Variants in OMA1 observed in about 807,000 individuals in gnomAD.
The protein encoded by OMA1 is metalloendopeptidase OMA1, mitochondrial.
A neutral mutation model predicts 30.9 loss-of-function variants in OMA1; 38 were observed. The observed-to-expected ratio is 1.23, with a 90% CI of 0.95 to 1.61. The LOEUF (loss-of-function observed/expected upper bound fraction) is 1.61, where lower values mean the gene tolerates loss of function less well. OMA1 is among the 40% of genes most tolerant of loss of function. The pLI is 0.00. For missense variants in OMA1, 461 were observed against 349.2 expected (o/e 1.32, Z -2.55); for synonymous variants, 173 against 121.9 (o/e 1.42, Z -2.76).
intron 7 of OMA1, among the ~76,000 whole-genome samples, chr1:58,521,206 A>T (rs1646256949): frequency 6.6e-6 from 1 of 152,244 alleles, no homozygotes; most frequent in South Asian, 2.1e-4. Context: ...GGGTCAAAGA[A>T]GAAACCACAG....
intron 7 of OMA1, among the ~76,000 whole-genome samples, chr1:58,520,609 G>A (rs1646247071): frequency 6.6e-6 from 1 of 152,110 alleles, no homozygotes; most frequent in Non-Finnish European, 1.5e-5. Flanking sequence ...CAGGAGGTTT[G>A]AAAATCAGAA....
At chr1:58,541,925 T>C (rs1380781686) in intron 1 of OMA1, among the ~76,000 whole-genome samples, 2 of 152,222 alleles carry the variant, frequency 1.3e-5, no homozygotes, top group African/African-American at 4.8e-5. Flanking sequence ...TTTTTCTGCA[T>C]GTTTCAAAAT....
chr1:58,505,581 A>G (rs1645975271), intron 8 of OMA1, among the ~76,000 whole-genome samples: 1 of 152,178 alleles, frequency 6.6e-6, no homozygotes, highest in Non-Finnish European at 1.5e-5. Context: ...TCATAAAGAA[A>G]TAAATAACCA....
Position 58,480,917 on chromosome 1 carries a change from TA to T in OMA1, c.*47del. ...TTTTTTAAAAAGTAACATAAAATGA[TA>T]AGGACTGCAACATTCTTCATATATC... On this transcript the variant is annotated 3_prime_UTR_variant, in exon 9 of 9. Coordinates refer to ENST00000371226, the MANE Select transcript of OMA1 (RefSeq NM_145243.5). 1.3e-6 allele frequency: 1 copy of T among 780,972 alleles called. No individual in the cohort carries two copies. The highest frequency in any genetic ancestry group is 1.7e-5 in the South Asian group (1 of 60,374). The allele number at this position is 780,972 out of a possible 1,614,324, so 48.4% of individuals were successfully genotyped here. A position where few individuals can be genotyped will look rare whatever the true frequency, so the allele number is the denominator to read the frequency against.
At chr1:58,510,574 T>C (rs962876738) in intron 7 of OMA1, among the ~76,000 whole-genome samples, 1 of 152,134 alleles carries the variant, frequency 6.6e-6, no homozygotes, top group African/African-American at 2.4e-5. Context: ...AAGGCAAGAA[T>C]GACCAATCTT....
At chr1:58,514,643 A>C (rs1016251602) in intron 7 of OMA1, among the ~76,000 whole-genome samples, 1 of 152,168 alleles carries the variant, frequency 6.6e-6, no homozygotes, top group Admixed American at 6.5e-5. Flanking sequence ...TAGGTAAAAT[A>C]ATCATCTGAG....
intron 8 of OMA1, among the ~76,000 whole-genome samples, chr1:58,489,690 C>A (rs1373468372): frequency 6.6e-6 from 1 of 152,196 alleles, no homozygotes; most frequent in African/African-American, 2.4e-5. Context: ...GGAGGCACCC[C>A]CCAGTAGGGG....
chr1:58,481,214 A>G lies in OMA1; in HGVS notation c.1366-40T>C, dbSNP rs753606333. 3.7e-5 allele frequency: 24 copies of G among 650,306 alleles called. No individual in the cohort carries two copies. The African/African-American group carries it at 4.4e-4, about 12-fold the overall frequency. The allele number at this position is 650,306 out of a possible 1,614,324, so 40.3% of individuals were successfully genotyped here. A position where few individuals can be genotyped will look rare whatever the true frequency, so the allele number is the denominator to read the frequency against. On this transcript the variant is annotated intron_variant, in intron 8 of 8. Coordinates refer to ENST00000371226, the MANE Select transcript of OMA1 (RefSeq NM_145243.5). Reference sequence around the variant, plus strand: ...TAAAATAAAAAAATACTATATATATACATCAATGTATTCAGATTGTTTCAG... The same window carrying G: ...TAAAATAAAAAAATACTATATATATGCATCAATGTATTCAGATTGTTTCAG...
intron 1 of OMA1, among the ~76,000 whole-genome samples, chr1:58,540,622 A>G (rs1646591279): frequency 6.6e-6 from 1 of 150,450 alleles, no homozygotes; most frequent in African/African-American, 2.5e-5. Context: ...TGAGACTAAC[A>G]GCAGATTAAC....
At chr1:58,505,148 C>A (rs1468095027) in intron 8 of OMA1, among the ~76,000 whole-genome samples, 2 of 152,142 alleles carry the variant, frequency 1.3e-5, no homozygotes, top group Non-Finnish European at 2.9e-5. Context: ...GACAGGGTTT[C>A]ACCCCGTTGG....
intron 7 of OMA1, 22 bp downstream of exon 7, chr1:58,527,239 T>G (rs759781690): frequency 3.4e-6 from 3 of 871,204 alleles, no homozygotes; most frequent in Non-Finnish European, 6.0e-6. Flanking sequence ...CATTATGTAT[T>G]CTCAACTACT....
chr1:58,495,622 C>G (rs1347244335), intron 8 of OMA1, among the ~76,000 whole-genome samples: 1 of 151,754 alleles, frequency 6.6e-6, no homozygotes, highest in Non-Finnish European at 1.5e-5. Flanking sequence ...TCAGTAGATT[C>G]TGGAAAGAGC....
At chr1:58,511,687 C>T (rs1329543529) in intron 7 of OMA1, among the ~76,000 whole-genome samples, 1 of 151,980 alleles carries the variant, frequency 6.6e-6, no homozygotes, top group Non-Finnish European at 1.5e-5. Context: ...GTCTCTTCAA[C>T]AAATGGTGCT....
At chr1:58,514,855 A>G (rs1186933822) in intron 7 of OMA1, among the ~76,000 whole-genome samples, 1 of 152,188 alleles carries the variant, frequency 6.6e-6, no homozygotes. Context: ...ATGTACCTCC[A>G]CTTTGGGAGA....
intron 8 of OMA1, among the ~76,000 whole-genome samples, chr1:58,490,157 A>T (rs1645653698): frequency 6.6e-6 from 1 of 152,228 alleles, no homozygotes; most frequent in Non-Finnish European, 1.5e-5. Flanking sequence ...CTAAAGGAGG[A>T]AGTTCGAACC....
At chr1:58,491,199 C>T (rs947440289) in intron 8 of OMA1, among the ~76,000 whole-genome samples, 3 of 152,084 alleles carry the variant, frequency 2.0e-5, no homozygotes, top group African/African-American at 7.2e-5. Context: ...AAATACTTTA[C>T]AGACAAGCAA....
At chr1:58,541,614 C>CAAAAAAAAAAAAAAAAAAAA in intron 1 of OMA1, 1 of 65,634 alleles carries the variant, frequency 1.5e-5, no homozygotes, top group Non-Finnish European at 2.7e-5. Flanking sequence ...GAGAACCTGT[C>CAAAAAAAAAAAAAAAAAAAA]AAAAAAAAAA....
intron 1 of OMA1, among the ~76,000 whole-genome samples, chr1:58,539,790 G>T (rs140857109): frequency 2.8e-4 from 43 of 152,258 alleles, no homozygotes; most frequent in African/African-American, 9.6e-4. Context: ...ATTGCCTGGA[G>T]AGTGCTTCCA....
intron 6 of OMA1, among the ~76,000 whole-genome samples, chr1:58,528,405 T>C (rs993779897): frequency 1.4e-4 from 22 of 152,314 alleles, no homozygotes; most frequent in Admixed American, 1.0e-3. Context: ...GGGGATTAAA[T>C]GAACAAAAAT....
Sources: gnomAD v4.1 joint callset for allele counts (sites outside exome capture counted in the v4.1 genomes callset) on GRCh38, gnomAD v4.1.1 for gene constraint, MANE v1.5 for transcripts, NCBI Gene and HGNC (gene_info 2026-07-23, HGNC 2026-07-21) for gene names.